The following HIBCH variants were observed in gnomAD, a reference collection of about 807,000 sequenced individuals.
HIBCH encodes the protein 3-hydroxyisobutyryl-CoA hydrolase.
Under a neutral mutation model 58.2 loss-of-function variants are expected in HIBCH, and 50 were observed. That is an observed-to-expected ratio of 0.86 (90% CI 0.68 to 1.09). The LOEUF is 1.09. HIBCH is among the 50% of genes least tolerant of loss of function. The probability of loss-of-function intolerance (pLI) is 0.00; values close to 1 mark genes in which losing one functional copy is unlikely to be tolerated. For missense variants in HIBCH, 450 were observed against 449.7 expected (o/e 1.00, Z -0.01); for synonymous variants, 151 against 146.9 (o/e 1.03, Z -0.20).
chr2:190,295,802 A>G (rs562474922), intron 3 of HIBCH, among the ~76,000 whole-genome samples: 5 of 152,374 alleles, frequency 3.3e-5, no homozygotes, highest in South Asian at 2.1e-4. Flanking sequence ...AAACAGAAAC[A>G]TAAGAATGGA....
chr2:190,229,259 G>C (rs1686017930), intron 11 of HIBCH, among the ~76,000 whole-genome samples: 1 of 152,122 alleles, frequency 6.6e-6, no homozygotes, highest in Admixed American at 6.5e-5. Flanking sequence ...AACTGATATT[G>C]ACTTCCATTA....
At position 190,217,775 on chromosome 2, in the gene HIBCH, A is replaced by G. The variant is rs1323141223; in HGVS notation, c.892-4700T>C. On this transcript the variant is annotated intron_variant, in intron 11 of 13. Coordinates refer to ENST00000359678, the MANE Select transcript of HIBCH (RefSeq NM_014362.4). This position sits in a 1 kb window ranked among gnomAD's most constrained non-coding sequence, Gnocchi z 4.6. Reference sequence around the variant, plus strand: ...CCGTAACAAGTGCTCCTAATCACTAAAACAGCCACATAAACAGCTGAACCG... The same window carrying G: ...CCGTAACAAGTGCTCCTAATCACTAGAACAGCCACATAAACAGCTGAACCG... Among the ~76,000 whole-genome samples, 3 of 152,150 alleles carry G rather than the reference A, an allele frequency of 2.0e-5. No individual in the cohort carries two copies. Among genetic ancestry groups the G allele is most frequent in the African/African-American group, 7.2e-5 (3 of 41,438 alleles).
At chr2:190,253,243 G>A (rs145506735) in intron 7 of HIBCH, among the ~76,000 whole-genome samples, 19 of 152,038 alleles carry the variant, frequency 1.2e-4, no homozygotes, top group African/African-American at 4.3e-4. Context: ...GTAATTACCA[G>A]CACACTCCTT....
intron 11 of HIBCH, among the ~76,000 whole-genome samples, chr2:190,237,093 A>G (rs1404522073): frequency 6.6e-6 from 1 of 152,208 alleles, no homozygotes; most frequent in East Asian, 1.9e-4. Context: ...TTATTTTTTA[A>G]ATAGTTCTAC....
At chr2:190,241,269 A>T (rs561254045) in intron 11 of HIBCH, among the ~76,000 whole-genome samples, 1 of 152,300 alleles carries the variant, frequency 6.6e-6, no homozygotes, top group African/African-American at 2.4e-5. Context: ...AGTCTGTTTT[A>T]TCAGAAACTA....
At position 190,307,870 on chromosome 2, in the gene HIBCH, T is replaced by C. The variant is rs115404803; in HGVS notation, c.78+2884A>G. ...GAATTCTGTCCTCCCTTCTGGGTTC[T>C]ATTCCCTACCTTCTATCTTGGAAGG... On this transcript the variant is annotated intron_variant, in intron 2 of 13. Transcript: ENST00000359678. Among the ~76,000 whole-genome samples the C allele has an allele frequency of 6.8e-3, 1,031 of 152,362 alleles. 13 individuals are homozygous for C. The highest frequency in any genetic ancestry group is 0.023 in the African/African-American group (937 of 41,588).
At chr2:190,220,506 A>G (rs944950362) in intron 11 of HIBCH, 1 of 151,950 alleles carries the variant, frequency 6.6e-6, no homozygotes, top group Non-Finnish European at 1.5e-5. Context: ...GATGAGAAGG[A>G]AAGAAAAATG....
chr2:190,294,717 T>C (rs980040423), intron 3 of HIBCH, 87 bp from the exon 4 acceptor site: 2 of 825,736 alleles, frequency 2.4e-6, no homozygotes, highest in Non-Finnish European at 4.2e-6. Context: ...TATTCAATCA[T>C]ATATTCATAT....
intron 1 of HIBCH, among the ~76,000 whole-genome samples, chr2:190,190,598 G>C (rs554350614): frequency 1.2e-4 from 15 of 120,710 alleles, no homozygotes; most frequent in Admixed American, 6.1e-4. Flanking sequence ...CACAGGGTAA[G>C]TGTGTGGTTA....
intron 7 of HIBCH, among the ~76,000 whole-genome samples, chr2:190,257,753 G>A (rs940431764): frequency 3.3e-5 from 5 of 151,996 alleles, no homozygotes; most frequent in African/African-American, 7.3e-5. Context: ...ATCATCCCAC[G>A]GCAAAAGGCA....
chr2:190,285,723 G>A (rs909815156), intron 6 of HIBCH, among the ~76,000 whole-genome samples: 10 of 151,962 alleles, frequency 6.6e-5, no homozygotes, highest in Admixed American at 3.3e-4. Flanking sequence ...CTATTGTCAC[G>A]GCTCAGGATA....
intron 1 of HIBCH, among the ~76,000 whole-genome samples, chr2:190,194,406 CTG>C (rs143676778): frequency 0.027 from 4,096 of 151,482 alleles, 182 homozygotes; most frequent in African/African-American, 0.091. Flanking sequence ...AAATAATAGA[CTG>C]TTTTTCAGAG....
At chr2:190,286,989 A>AAAAACTTGCTAATTCAAAAAGTT in intron 6 of HIBCH, among the ~76,000 whole-genome samples, 1 of 151,992 alleles carries the variant, frequency 6.6e-6, no homozygotes, top group Non-Finnish European at 1.5e-5. Context: ...CATTGCTTAA[A>AAAAACTTGCTAATTCAAAAAGTT]AAAACTTGCT....
chr2:190,259,319 A>ATGTGTGTGTGTGTGTG (rs370172555), intron 7 of HIBCH, among the ~76,000 whole-genome samples: 2,498 of 122,100 alleles, frequency 0.02, 86 homozygotes, highest in East Asian at 0.034. Context: ...CAGTATACAG[A>ATGTGTGTGTGTGTGTG]TGTGTGTGTG....
chr2:190,277,466 G>A (rs931165499), intron 6 of HIBCH, among the ~76,000 whole-genome samples: 1 of 152,094 alleles, frequency 6.6e-6, no homozygotes. Context: ...TTACATTATT[G>A]TAAGAAAAAA....
intron 7 of HIBCH, among the ~76,000 whole-genome samples, chr2:190,260,938 AAT>A (rs1331257228): frequency 2.0e-5 from 3 of 152,170 alleles, no homozygotes; most frequent in African/African-American, 7.2e-5. Flanking sequence ...ATAGTGTGTT[AAT>A]GTCTCCTTTA....
In HIBCH at chr2:190,304,244, T is replaced by C. The variant is rs1688345014; in HGVS notation, c.78+6510A>G. On this transcript the variant is annotated intron_variant, in intron 2 of 13. Transcript: ENST00000359678. This position sits in a 1 kb window ranked among gnomAD's most constrained non-coding sequence, Gnocchi z 4.1. ...TCACACCAGAATACCTGAAACTGTG[T>C]AATTTGTTAAAAAAAAAAAAAAAAA... is the stretch of plus-strand genomic sequence containing the variant. Among the ~76,000 whole-genome samples the C allele has an allele frequency of 1.1e-5, 1 of 89,542 alleles. No individual in the cohort carries two copies. The highest frequency in any genetic ancestry group is 4.5e-5 in the African/African-American group (1 of 21,980). The allele number at this position is 89,542 out of a possible 152,430, so 58.7% of individuals were successfully genotyped here.
rs1335789160 is a variant in HIBCH, at chr2:190,207,153, T to A, written c.1045+1727A>T. On this transcript the variant is annotated intron_variant, in intron 13 of 13. Transcript: ENST00000359678. This position sits in a 1 kb window ranked among gnomAD's most constrained non-coding sequence, Gnocchi z 4.5. Reference sequence around the variant, plus strand: ...CAAAACAAAACAAAAAAAAGTCGTATAATAAGCACTTCCTTTATGAATCAG... The same window carrying A: ...CAAAACAAAACAAAAAAAAGTCGTAAAATAAGCACTTCCTTTATGAATCAG... Among the ~76,000 whole-genome samples the A allele has an allele frequency of 1.3e-5, 2 of 152,118 alleles. No homozygotes were observed. The highest frequency in any genetic ancestry group is 4.8e-5 in the African/African-American group (2 of 41,430).
intron 1 of HIBCH, among the ~76,000 whole-genome samples, chr2:190,191,808 T>C (rs1250897577): frequency 6.6e-6 from 1 of 152,226 alleles, no homozygotes; most frequent in African/African-American, 2.4e-5. Flanking sequence ...TTTTCTAAAC[T>C]GGGTTGTTGT....
Sources: allele counts gnomAD v4.1 joint callset (sites outside exome capture counted in the v4.1 genomes callset), GRCh38; gene constraint gnomAD v4.1.1; non-coding constraint Gnocchi (gnomAD v3.1); transcripts MANE v1.5; gene names NCBI Gene and HGNC (gene_info 2026-07-23, HGNC 2026-07-21).